Variants in ALOX5AP observed in about 807,000 individuals in gnomAD.
The protein encoded by ALOX5AP is arachidonate 5-lipoxygenase activating protein, also known as arachidonate 5-lipoxygenase-activating protein.
Under a neutral mutation model 18.5 loss-of-function variants are expected in ALOX5AP, and 9 were observed. That is an observed-to-expected ratio of 0.49 (90% CI 0.29 to 0.85). ALOX5AP has a LOEUF of 0.85. Ranked by LOEUF, ALOX5AP falls within the 40% of genes least tolerant of loss-of-function variation. The probability of loss-of-function intolerance (pLI) is 0.08; values close to 1 mark genes in which losing one functional copy is unlikely to be tolerated. For synonymous variants in ALOX5AP, 81 were observed against 78.6 expected, an observed-to-expected ratio of 1.03 and a Z score of -0.16; for missense variants, 172 against 202.5, an observed-to-expected ratio of 0.85 and a Z score of 0.91.
upstream of ALOX5AP, among the ~76,000 whole-genome samples, chr13:30,732,092 G>C (rs1030893229): frequency 6.6e-6 from 1 of 152,262 alleles, no homozygotes; most frequent in Non-Finnish European, 1.5e-5. Flanking sequence ...CTCGGGTGAA[G>C]TGGACTCCCT....
intron 1 of ALOX5AP, among the ~76,000 whole-genome samples, chr13:30,741,836 T>TTTG (rs1555255432): frequency 3.3e-5 from 5 of 151,118 alleles, no homozygotes; most frequent in African/African-American, 7.3e-5. Flanking sequence ...TTTCTGTTTT[T>TTTG]TTTTTTTTTT....
rs1000938687 is a variant in ALOX5AP at position 30,763,471 on chromosome 13, C to T, written c.324-473C>T. 6.6e-5 allele frequency among the ~76,000 whole-genome samples: 10 copies of T among 152,178 alleles called. No homozygotes were observed. The South Asian group carries it at 1.2e-3, about 19-fold the overall frequency. ...GAGAATAGAATGAGCCCTCAGATGC[C>T]GAAGCACCTTTCAGATTCCACCGGT... On this transcript the variant is annotated intron_variant, in intron 4 of 4. Coordinates refer to ENST00000380490, the MANE Select transcript of ALOX5AP (RefSeq NM_001629.4).
chr13:30,735,015 T>C (rs972218134), upstream of ALOX5AP, among the ~76,000 whole-genome samples: 4 of 150,950 alleles, frequency 2.6e-5, no homozygotes, highest in African/African-American at 4.9e-5. Context: ...TGTGTGTGCG[T>C]GTGTGTGTGT....
chr13:30,730,763 A>ACAGCTCCTAGGATTTTTAACAG (rs566016210), upstream of ALOX5AP, among the ~76,000 whole-genome samples: 1,102 of 152,320 alleles, frequency 7.2e-3, 30 homozygotes, highest in Admixed American at 0.041. Context: ...AAGTGTCTGC[A>ACAGCTCCTAGGATTTTTAACAG]CAGCTCCTAG....
chr13:30,735,434 TAAAAA>T (rs59918130), upstream of ALOX5AP: 26,639 of 846,884 alleles, frequency 0.031, 220 homozygotes, highest in African/African-American at 0.11. Flanking sequence ...GGTGGTTAGT[TAAAAA>T]AAAAAAAAAA....
chr13:30,729,151 T>C (rs1458049848), intron 1 of ALOX5AP, among the ~76,000 whole-genome samples: 1 of 152,208 alleles, frequency 6.6e-6, no homozygotes, highest in African/African-American at 2.4e-5. Flanking sequence ...GTCTAATTTA[T>C]TGATTTTTTT....
At chr13:30,747,603 G>T (rs17216487) in intron 2 of ALOX5AP, among the ~76,000 whole-genome samples, 9,927 of 152,306 alleles carry the variant, frequency 0.065, 455 homozygotes, top group Non-Finnish European at 0.1. Flanking sequence ...CTTTGTGAGT[G>T]TAAGTAAGCA....
chr13:30,724,175 T>C (rs1951617735), intron 1 of ALOX5AP, among the ~76,000 whole-genome samples: 1 of 152,236 alleles, frequency 6.6e-6, no homozygotes, highest in Non-Finnish European at 1.5e-5. Flanking sequence ...TAGTGTTTCA[T>C]ACAAATGGAA....
rs867252946 is a variant in ALOX5AP at position 30,764,115 on chromosome 13, T to C, written c.*9T>C. 3.1e-6 allele frequency: 5 copies of C among 1,612,924 alleles called. 1 individual carries two copies. In the Middle Eastern group the frequency reaches 8.3e-4, roughly 267 times the overall value. ...TACTTCTCATTCCCTAACTCTCTGC[T>C]GAATATGGGGTTGGTGTTCTCATCT... On this transcript the variant is annotated 3_prime_UTR_variant, in exon 5 of 5. Coordinates refer to ENST00000380490, the MANE Select transcript of ALOX5AP (RefSeq NM_001629.4).
At chr13:30,743,182 C>G (rs1429607789) in intron 1 of ALOX5AP, among the ~76,000 whole-genome samples, 1 of 152,072 alleles carries the variant, frequency 6.6e-6, no homozygotes, top group Non-Finnish European at 1.5e-5. Flanking sequence ...TCTTGAAGAC[C>G]TGGCTCAGTT....
At chr13:30,714,623 A>G (rs1022825132) in intron 1 of ALOX5AP, among the ~76,000 whole-genome samples, 3 of 150,176 alleles carry the variant, frequency 2.0e-5, no homozygotes, top group Non-Finnish European at 4.4e-5. Context: ...TTCTTGAGCC[A>G]GGACCTAGCG....
intron 1 of ALOX5AP, among the ~76,000 whole-genome samples, chr13:30,720,870 T>C (rs181492373): frequency 7.2e-5 from 11 of 152,362 alleles, no homozygotes; most frequent in Middle Eastern, 3.4e-3. Flanking sequence ...GAATGGGTTG[T>C]CTGTACCCTG....
intron 4 of ALOX5AP, among the ~76,000 whole-genome samples, chr13:30,763,346 C>A (rs1951959820): frequency 6.6e-6 from 1 of 152,162 alleles, no homozygotes; most frequent in Non-Finnish European, 1.5e-5. Context: ...ACAACAAAAA[C>A]CAAGTCTCTC....
chr13:30,731,836 T>C (rs1951683951), upstream of ALOX5AP, among the ~76,000 whole-genome samples: 1 of 152,214 alleles, frequency 6.6e-6, no homozygotes, highest in African/African-American at 2.4e-5. Context: ...GGCTCCGGAT[T>C]CTGGGCTGCT....
At chr13:30,758,411 G>T (rs1336946348) in intron 4 of ALOX5AP, among the ~76,000 whole-genome samples, 2 of 152,192 alleles carry the variant, frequency 1.3e-5, no homozygotes, top group Non-Finnish European at 2.9e-5. Context: ...GGAATTGCTA[G>T]ATGAGATCCT....
At chr13:30,729,204 T>TG (rs1406493175) in intron 1 of ALOX5AP, among the ~76,000 whole-genome samples, 1 of 152,212 alleles carries the variant, frequency 6.6e-6, no homozygotes, top group Non-Finnish European at 1.5e-5. Context: ...TAAAAAAAAT[T>TG]TGCCTTCTTC....
At chr13:30,739,436 T>G (rs1951745617) in intron 1 of ALOX5AP, among the ~76,000 whole-genome samples, 1 of 152,160 alleles carries the variant, frequency 6.6e-6, no homozygotes, top group African/African-American at 2.4e-5. Context: ...AAGATATATA[T>G]ATTATTATTG....
chr13:30,730,109 T>A (rs1248503298), intron 1 of ALOX5AP, among the ~76,000 whole-genome samples: 2 of 152,230 alleles, frequency 1.3e-5, no homozygotes, highest in African/African-American at 4.8e-5. Context: ...GCTTACAACT[T>A]AAGATTCTAG....
intron 2 of ALOX5AP, among the ~76,000 whole-genome samples, chr13:30,749,499 A>G (rs1951835136): frequency 6.6e-6 from 1 of 152,224 alleles, no homozygotes; most frequent in African/African-American, 2.4e-5. Context: ...CTCAGTCCTG[A>G]GGCTGCAATT....
Sources: gnomAD v4.1 joint callset for allele counts (sites outside exome capture counted in the v4.1 genomes callset) on GRCh38, gnomAD v4.1.1 for gene constraint, MANE v1.5 for transcripts, NCBI Gene and HGNC (gene_info 2026-07-23, HGNC 2026-07-21) for gene names.